SHTN1: variants seen among roughly 807,000 people sequenced by gnomAD.
SHTN1 encodes the protein shootin 1.
A neutral mutation model predicts 83.1 loss-of-function variants in SHTN1; 42 were observed. The observed-to-expected ratio is 0.51, with a 90% CI of 0.39 to 0.65. The LOEUF is 0.65. SHTN1 is among the 30% of genes least tolerant of loss of function. SHTN1 has a pLI of 0.00. For synonymous variants in SHTN1, 224 were observed against 247.7 expected, an observed-to-expected ratio of 0.90 and a Z score of 0.90; for missense variants, 622 against 737.8, an observed-to-expected ratio of 0.84 and a Z score of 1.82.
chr10:116,970,712 C>CAAA (rs1203374258), intron 2 of SHTN1, among the ~76,000 whole-genome samples: 1 of 68,186 alleles, frequency 1.5e-5, no homozygotes, highest in Non-Finnish European at 3.0e-5. Flanking sequence ...GACTTACTCT[C>CAAA]AAAAAAAAAA....
chr10:116,920,147 C>T (rs1282538655), intron 12 of SHTN1, among the ~76,000 whole-genome samples: 3 of 152,132 alleles, frequency 2.0e-5, no homozygotes, highest in Admixed American at 6.5e-5. Context: ...ATGAGCTACT[C>T]ATTACCATGT....
intron 2 of SHTN1, chr10:116,973,972 T>C (rs1850706109): frequency 8.2e-7 from 1 of 1,224,442 alleles, no homozygotes; most frequent in African/African-American, 1.5e-5. Context: ...TCTGGATTTC[T>C]ACACTCTTAT....
chr10:116,939,816 AT>A (rs1849303339), intron 9 of SHTN1, among the ~76,000 whole-genome samples: 1 of 152,096 alleles, frequency 6.6e-6, no homozygotes, highest in Non-Finnish European at 1.5e-5. Flanking sequence ...CATTGATGTA[AT>A]TTTTCTTAAG....
At chr10:117,120,491 G>A (rs1173725118) in intron 1 of SHTN1, among the ~76,000 whole-genome samples, 3 of 152,028 alleles carry the variant, frequency 2.0e-5, no homozygotes, top group South Asian at 2.1e-4. Flanking sequence ...CTTGTGATCC[G>A]CCTCCCTTGG....
intron 1 of SHTN1, among the ~76,000 whole-genome samples, chr10:116,990,958 G>A (rs537366016): frequency 3.3e-5 from 5 of 152,046 alleles, no homozygotes; most frequent in East Asian, 1.9e-4. Context: ...AGGCCGAGGC[G>A]GGTGGATCAC....
intron 4 of SHTN1, among the ~76,000 whole-genome samples, chr10:116,954,569 G>A (rs897230001): frequency 5.3e-5 from 8 of 152,132 alleles, no homozygotes. Context: ...GTGGTGCTGA[G>A]AACACCTTTT....
chr10:116,950,109 C>T (rs775355452), intron 6 of SHTN1, among the ~76,000 whole-genome samples: 5 of 152,170 alleles, frequency 3.3e-5, no homozygotes, highest in Non-Finnish European at 5.9e-5. Context: ...CCAGGGCTTT[C>T]ATCACCATGC....
At chr10:117,004,935 C>A in intron 1 of SHTN1, 87 bp downstream of exon 1, 1 of 1,249,554 alleles carries the variant, frequency 8.0e-7, no homozygotes, top group Non-Finnish European at 1.1e-6. Context: ...TCCCGCCCGG[C>A]TTCCAACTGC....
At chr10:116,939,292 G>T (rs1194701535) in intron 9 of SHTN1, among the ~76,000 whole-genome samples, 1 of 152,196 alleles carries the variant, frequency 6.6e-6, no homozygotes, top group Non-Finnish European at 1.5e-5. Flanking sequence ...GGGCCCTGGT[G>T]GTGTAGGCAC....
At chr10:116,927,483 G>C (rs540044056) in intron 11 of SHTN1, among the ~76,000 whole-genome samples, 15 of 152,278 alleles carry the variant, frequency 9.9e-5, no homozygotes, top group Admixed American at 3.9e-4. Context: ...GCAGGGAAGA[G>C]AGAACTTGTG....
chr10:117,078,457 T>C (rs1853196359), intron 1 of SHTN1, among the ~76,000 whole-genome samples: 1 of 152,170 alleles, frequency 6.6e-6, no homozygotes. Flanking sequence ...GCCACACCTA[T>C]GAGAGTAGTA....
intron 15 of SHTN1, among the ~76,000 whole-genome samples, chr10:116,903,197 C>G (rs755836086): frequency 3.8e-4 from 58 of 152,196 alleles, no homozygotes; most frequent in Non-Finnish European, 7.6e-4. Flanking sequence ...CCTATACTCT[C>G]TAGGCAGACA....
chr10:117,030,606 A>G (rs1719658299), intron 2 of SHTN1, among the ~76,000 whole-genome samples: 2 of 152,214 alleles, frequency 1.3e-5, no homozygotes, highest in Admixed American at 6.5e-5. Context: ...GAAATTCAAG[A>G]TAACACAGAG....
chr10:117,078,602 G>C (rs980010513), intron 1 of SHTN1, among the ~76,000 whole-genome samples: 3 of 152,268 alleles, frequency 2.0e-5, no homozygotes, highest in East Asian at 3.9e-4. Flanking sequence ...ATTGTGTCTT[G>C]TCTATTTTTG....
At position 116,927,081 on chromosome 10, in the gene SHTN1, G is replaced by A. The variant is rs529327203; in HGVS notation, c.1112+711C>T. Among the ~76,000 whole-genome samples, 12 of 152,274 alleles carry A rather than the reference G, an allele frequency of 7.9e-5. No homozygotes were observed. The East Asian group carries it at 2.1e-3, about 27-fold the overall frequency. On this transcript the variant is annotated intron_variant, in intron 11 of 16. Coordinates refer to ENST00000355371, the MANE Select transcript of SHTN1 (RefSeq NM_001127211.3). ...TATAAATATGAGGTTAGGGATAAAA[G>A]TAATTAATACTTCTAGTTTAATTAC... is the stretch of plus-strand genomic sequence containing the variant.
chr10:116,975,640 T>G (rs1419537336), intron 2 of SHTN1, among the ~76,000 whole-genome samples: 1 of 150,164 alleles, frequency 6.7e-6, no homozygotes, highest in Non-Finnish European at 1.5e-5. Flanking sequence ...ATTCTCAAAG[T>G]CACTGATAAA....
At chr10:117,116,515 T>A (rs1853850583) in intron 1 of SHTN1, among the ~76,000 whole-genome samples, 2 of 151,922 alleles carry the variant, frequency 1.3e-5, no homozygotes, top group African/African-American at 4.8e-5. Flanking sequence ...CTCAAACTCT[T>A]CCCAAAAAAA....
rs1160124683 is a variant in SHTN1, at chr10:116,979,128, AG to A, written c.111+127del. ...GCTTGAACCACACATGCAAGAGAAA[AG>A]GGAAGAAAAGAAAAGAAAAAAACAA... On this transcript the variant is annotated intron_variant, in intron 2 of 16. Transcript: ENST00000355371. 4.0e-6 allele frequency: 3 copies of A among 745,692 alleles called. No homozygotes were observed. In the African/African-American group the frequency reaches 5.3e-5, roughly 13 times the overall value. The allele number at this position is 745,692 out of a possible 1,614,324, so 46.2% of individuals were successfully genotyped here. A position where few individuals can be genotyped will look rare whatever the true frequency, so the allele number is the denominator to read the frequency against.
chr10:117,042,511 A>C (rs1852597339), intron 2 of SHTN1, among the ~76,000 whole-genome samples: 1 of 152,192 alleles, frequency 6.6e-6, no homozygotes, highest in Non-Finnish European at 1.5e-5. Flanking sequence ...TATAAAGATA[A>C]ATACCTCCCT....
Sources: allele counts gnomAD v4.1 joint callset (sites outside exome capture counted in the v4.1 genomes callset), GRCh38; gene constraint gnomAD v4.1.1; transcripts MANE v1.5; gene names NCBI Gene and HGNC (gene_info 2026-07-23, HGNC 2026-07-21).